The following PTPRD variants were observed in gnomAD, a reference collection of about 807,000 sequenced individuals.
PTPRD encodes the protein receptor-type tyrosine-protein phosphatase delta.
Under a neutral mutation model 214.5 loss-of-function variants are expected in PTPRD, and 34 were observed. That is an observed-to-expected ratio of 0.16 (90% CI 0.12 to 0.21). The LOEUF is 0.21. PTPRD is among the 10% of genes least tolerant of loss of function. PTPRD has a pLI of 1.00. For synonymous variants in PTPRD, 1,128 were observed against 845.7 expected, an observed-to-expected ratio of 1.33 and a Z score of -5.79; for missense variants, 2,545 against 2,398.7, an observed-to-expected ratio of 1.06 and a Z score of -1.27.
intron 11 of PTPRD, among the ~76,000 whole-genome samples, chr9:8,930,114 C>A (rs1300692606): frequency 6.6e-6 from 1 of 150,890 alleles, no homozygotes; most frequent in African/African-American, 2.4e-5. Flanking sequence ...TCCCACCCCC[C>A]CCCACACCAC....
chr9:10,079,558 A>C (rs1331691684), intron 3 of PTPRD, among the ~76,000 whole-genome samples: 1 of 152,066 alleles, frequency 6.6e-6, no homozygotes, highest in African/African-American at 2.4e-5. Flanking sequence ...TGTGGGCATC[A>C]AGGATAGAGA....
At chr9:8,484,029 T>C (rs2135744183) in intron 30 of PTPRD, 90 bp downstream of exon 30, 3 of 1,484,148 alleles carry the variant, frequency 2.0e-6, no homozygotes, top group Middle Eastern at 2.4e-4. Flanking sequence ...TTAAGCAGTA[T>C]CTTCTTTTAC....
At chr9:8,593,597 C>G (rs1268323729) in intron 14 of PTPRD, among the ~76,000 whole-genome samples, 1 of 152,162 alleles carries the variant, frequency 6.6e-6, no homozygotes, top group Admixed American at 6.5e-5. Context: ...GTGGAGTAGA[C>G]AGTGATATCT....
At chr9:9,832,598 TG>T (rs1364302834) in intron 5 of PTPRD, among the ~76,000 whole-genome samples, 1 of 151,998 alleles carries the variant, frequency 6.6e-6, no homozygotes, top group Non-Finnish European at 1.5e-5. Flanking sequence ...AATTTAGGTT[TG>T]GGGGTCTGTG....
chr9:10,346,685 T>A (rs2097089866), intron 2 of PTPRD, among the ~76,000 whole-genome samples: 1 of 152,186 alleles, frequency 6.6e-6, no homozygotes, highest in African/African-American at 2.4e-5. Flanking sequence ...GACAGCATCT[T>A]TTCCCCATGC....
At chr9:10,075,796 A>C in intron 3 of PTPRD, among the ~76,000 whole-genome samples, 1 of 152,056 alleles carries the variant, frequency 6.6e-6, no homozygotes. Flanking sequence ...TTTTAAACAC[A>C]CTAATTTTTC....
intron 8 of PTPRD, among the ~76,000 whole-genome samples, chr9:9,443,296 T>A (rs1174465094): frequency 1.3e-5 from 2 of 152,204 alleles, no homozygotes; most frequent in East Asian, 1.9e-4. Flanking sequence ...TCAACTAATC[T>A]GTTCTCTACT....
At chr9:8,837,569 C>A (rs1425384253) in intron 11 of PTPRD, among the ~76,000 whole-genome samples, 6 of 152,152 alleles carry the variant, frequency 3.9e-5, no homozygotes, top group African/African-American at 1.4e-4. Flanking sequence ...GTAGCACAAT[C>A]GTGGTGAGCC....
chr9:8,788,641 G>A (rs148191074), intron 11 of PTPRD, among the ~76,000 whole-genome samples: 3 of 150,574 alleles, frequency 2.0e-5, no homozygotes, highest in African/African-American at 7.3e-5. Context: ...AAGTTATGGA[G>A]GAAAATCAAA....
chr9:8,457,537 G>C (rs1430180752), intron 33 of PTPRD, among the ~76,000 whole-genome samples: 1 of 151,960 alleles, frequency 6.6e-6, no homozygotes, highest in African/African-American at 2.4e-5. Flanking sequence ...CAGAATGCCA[G>C]ATCAAAGAGT....
chr9:8,572,543 C>T (rs766356097), intron 14 of PTPRD, among the ~76,000 whole-genome samples: 1 of 151,796 alleles, frequency 6.6e-6, no homozygotes, highest in African/African-American at 2.4e-5. Context: ...TAATAGAAAG[C>T]TGAAATGAAG....
chr9:9,402,005 G>T (rs553156741), intron 8 of PTPRD, among the ~76,000 whole-genome samples: 5 of 152,184 alleles, frequency 3.3e-5, no homozygotes, highest in Admixed American at 2.0e-4. Flanking sequence ...TTATAACAGT[G>T]TGAGAATGGA....
At chr9:8,608,636 C>T (rs1434784183) in intron 14 of PTPRD, among the ~76,000 whole-genome samples, 6 of 152,120 alleles carry the variant, frequency 3.9e-5, no homozygotes, top group Admixed American at 3.3e-4. Flanking sequence ...TATATCAAAT[C>T]AGCCAGAATA....
intron 9 of PTPRD, among the ~76,000 whole-genome samples, chr9:9,184,939 C>T (rs1376627898): frequency 6.6e-6 from 1 of 151,950 alleles, no homozygotes. Flanking sequence ...TTGGTAAATA[C>T]CTAAAGGTAA....
At chr9:9,794,009 G>A (rs577813630) in intron 5 of PTPRD, among the ~76,000 whole-genome samples, 1 of 152,078 alleles carries the variant, frequency 6.6e-6, no homozygotes, top group Non-Finnish European at 1.5e-5. Flanking sequence ...CCACCAACAT[G>A]TATTGATCTT....
In PTPRD at chr9:10,050,375, T is replaced by C. The variant is rs770167196; in HGVS notation, c.-544-16585A>G. ...GAGTTGGAGACCAGCCTGGCCAATA[T>C]GGTGAAACATCATCTTTACTAAAAA... On this transcript the variant is annotated intron_variant, in intron 3 of 45. Coordinates refer to ENST00000381196, the MANE Select transcript of PTPRD (RefSeq NM_002839.4). 7.9e-5 allele frequency among the ~76,000 whole-genome samples: 12 copies of C among 151,216 alleles called. 1 individual carries two copies. The highest frequency in any genetic ancestry group is 1.2e-4 in the Non-Finnish European group (8 of 67,834).
intron 11 of PTPRD, among the ~76,000 whole-genome samples, chr9:8,816,426 T>A (rs1157682321): frequency 6.6e-6 from 1 of 152,174 alleles, no homozygotes; most frequent in Non-Finnish European, 1.5e-5. Flanking sequence ...GACACAAAGT[T>A]GACCCTGAAA....
rs940020116 is a variant in PTPRD, at chr9:8,486,045, G to T, written c.2772C>A (p.Asn924Lys). The T allele has an allele frequency of 2.5e-6, 4 of 1,614,060 alleles. No homozygotes were observed. The highest frequency in any genetic ancestry group is 1.3e-5 in the African/African-American group (1 of 74,918). ...TTGAAGTGGTGCCTTCTGAGTGAAG[G>T]TTTTGAGGGAATCCAGTTGGTACTT... ...PEEVPTGFPQ[N>K]LHSEGTTSTS... The change falls in exon 28 of 46, where the codon AAC becomes AAA. Residue 924 changes from asparagine to lysine, a missense_variant. Coordinates refer to ENST00000381196, the MANE Select transcript of PTPRD (RefSeq NM_002839.4).
At position 10,419,175 on chromosome 9, in the gene PTPRD, T is replaced by A. The variant is rs562675808; in HGVS notation, c.-599-78158A>T. ...ACTTGTGTAAAAATCACTAATGACT[T>A]TCATGTTGCAAAATCCCGTAAATGA... On this transcript the variant is annotated intron_variant, in intron 2 of 45. Transcript: ENST00000381196. 1.7e-4 allele frequency among the ~76,000 whole-genome samples: 26 copies of A among 152,028 alleles called. No homozygotes were observed. In the Middle Eastern group the frequency reaches 0.01, roughly 60 times the overall value.
Sources: allele counts gnomAD v4.1 joint callset (sites outside exome capture counted in the v4.1 genomes callset), GRCh38; gene constraint gnomAD v4.1.1; transcripts MANE v1.5; gene names NCBI Gene and HGNC (gene_info 2026-07-23, HGNC 2026-07-21).